CEP83: variants seen among roughly 807,000 people sequenced by gnomAD.
CEP83 encodes the protein centrosomal protein of 83 kDa.
In CEP83, 70 loss-of-function variants were observed where a neutral mutation model predicts 101.9. The observed-to-expected ratio is 0.69, with a 90% CI of 0.57 to 0.84. The LOEUF (loss-of-function observed/expected upper bound fraction) is 0.84. CEP83 is among the 40% of genes least tolerant of loss of function. The pLI is 0.00. For synonymous variants in CEP83, 264 were observed against 267.9 expected (o/e 0.99, Z 0.14); for missense variants, 715 against 787.2 (o/e 0.91, Z 1.10).
intron 1 of CEP83, among the ~76,000 whole-genome samples, chr12:94,450,438 G>T (rs1380550423): frequency 6.6e-6 from 1 of 152,138 alleles, no homozygotes; most frequent in Non-Finnish European, 1.5e-5. Context: ...ATTTTTAGTA[G>T]AGACGGGGTT....
intron 6 of CEP83, among the ~76,000 whole-genome samples, chr12:94,392,654 A>G (rs1191534493): frequency 6.6e-6 from 1 of 152,228 alleles, no homozygotes; most frequent in Non-Finnish European, 1.5e-5. Context: ...CAGAATTGAA[A>G]GAGATAGAGA....
Position 94,312,978 on chromosome 12 carries a change from CT to C in CEP83, c.1746del (p.Glu583ArgfsTer3). The C allele has an allele frequency of 6.3e-7, 1 of 1,585,048 alleles. No homozygotes were observed. The highest frequency in any genetic ancestry group is 1.7e-5 in the Admixed American group (1 of 57,802). ...TTTGCCTCCAAGACTTCTACTTTCT[CT>C]TGTAGTCTTTTCAATTTGTTTTCAT... ...SLHENKLKRL[Q>X]EKVEVLEAKK... is the part of the protein sequence containing the mutation. On this transcript the variant is annotated frameshift_variant, in exon 15 of 17. Transcript: ENST00000397809. LOFTEE classifies it high-confidence loss of function.
chr12:94,414,995 A>C (rs1307827369), intron 2 of CEP83, among the ~76,000 whole-genome samples: 1 of 152,114 alleles, frequency 6.6e-6, no homozygotes, highest in African/African-American at 2.4e-5. Context: ...GGTACAAGAA[A>C]AAAACAAAAT....
At chr12:94,334,330 C>G (rs775012784) in intron 12 of CEP83, among the ~76,000 whole-genome samples, 6 of 152,066 alleles carry the variant, frequency 3.9e-5, no homozygotes, top group Non-Finnish European at 8.8e-5. Flanking sequence ...CCCAATTTAC[C>G]TTTATCTGGG....
chr12:94,346,488 T>C (rs1014733600), intron 11 of CEP83, among the ~76,000 whole-genome samples: 4 of 149,044 alleles, frequency 2.7e-5, no homozygotes, highest in Middle Eastern at 3.2e-3. Context: ...CTGGGAAACA[T>C]AAAGTGTTTC....
chr12:94,369,793 T>C (rs2061209769), intron 9 of CEP83, 129 bp downstream of exon 9: 1 of 592,126 alleles, frequency 1.7e-6, no homozygotes, highest in South Asian at 2.4e-5. Context: ...ATTTCATATG[T>C]ACTCCAAAAT....
intron 14 of CEP83, among the ~76,000 whole-genome samples, chr12:94,323,233 G>A (rs1287856231): frequency 6.6e-6 from 1 of 152,112 alleles, no homozygotes; most frequent in Non-Finnish European, 1.5e-5. Context: ...CTTGGCTGGA[G>A]TTGCAGTTGC....
intron 1 of CEP83, among the ~76,000 whole-genome samples, chr12:94,444,124 C>T (rs1454847653): frequency 2.6e-5 from 4 of 152,134 alleles, no homozygotes; most frequent in African/African-American, 9.7e-5. Flanking sequence ...TCAGGCCGGG[C>T]GTGGTGGCTC....
the CEP83 span, chr12:94,277,673 GAT>G: frequency 3.1e-6 from 1 of 324,156 alleles, no homozygotes; most frequent in Non-Finnish European, 6.0e-6. Flanking sequence ...CTTATTCAGA[GAT>G]ACTGAGCATG....
Position 94,309,921 on chromosome 12 carries a change from C to A in CEP83, c.1998G>T (p.Met666Ile). Reference protein sequence around the residue: ...PSMELPFPPHMQEEQHQRELS... With the variant: ...PSMELPFPPHIQEEQHQRELS... ...CCCCTAAAATAAATGCTCATACCTG[C>A]ATATGAGGAGGAAATGGTAGTTCCA... The change falls in exon 16 of 17, where the codon ATG becomes ATT. Residue 666 changes from methionine to isoleucine, a missense_variant. Met to Ile is a conservative substitution (Grantham distance 10). Transcript: ENST00000397809. 1 of 1,563,940 alleles carries A rather than the reference C, an allele frequency of 6.4e-7. No individual in the cohort carries two copies. Among genetic ancestry groups the A allele is most frequent in the Non-Finnish European group, 8.7e-7 (1 of 1,148,864 alleles).
At chr12:94,323,937 T>A (rs2058857416) in intron 14 of CEP83, among the ~76,000 whole-genome samples, 2 of 152,206 alleles carry the variant, frequency 1.3e-5, no homozygotes, top group African/African-American at 4.8e-5. Context: ...ACACTAGAGA[T>A]CACAATAGTT....
chr12:94,276,067 T>C, the CEP83 span, among the ~76,000 whole-genome samples: 1 of 152,196 alleles, frequency 6.6e-6, no homozygotes, highest in Non-Finnish European at 1.5e-5. Flanking sequence ...GGGTGTTTTT[T>C]CTTTTGGTTA....
intron 11 of CEP83, among the ~76,000 whole-genome samples, chr12:94,357,633 C>T (rs1467724940): frequency 1.3e-5 from 2 of 152,320 alleles, no homozygotes; most frequent in South Asian, 2.1e-4. Context: ...ATTTATGCTG[C>T]ACAAAAGCTG....
chr12:94,383,662 A>C (rs1341715922), intron 6 of CEP83, among the ~76,000 whole-genome samples: 1 of 152,032 alleles, frequency 6.6e-6, no homozygotes, highest in Non-Finnish European at 1.5e-5. Context: ...ACGTTAAGCC[A>C]TTTTGGTCTG....
chr12:94,310,583 G>T (rs889940143), intron 15 of CEP83, among the ~76,000 whole-genome samples: 1 of 152,098 alleles, frequency 6.6e-6, no homozygotes, highest in African/African-American at 2.4e-5. Flanking sequence ...CCCTCATAAT[G>T]GAAAAGTTGG....
chr12:94,378,748 A>G (rs1422934174), intron 7 of CEP83, 43 bp downstream of exon 7: 1 of 1,595,340 alleles, frequency 6.3e-7, no homozygotes. Context: ...CTGCACTTTA[A>G]AAAAGTATGC....
chr12:94,281,193 T>A, the CEP83 span, among the ~76,000 whole-genome samples: 1 of 152,102 alleles, frequency 6.6e-6, no homozygotes, highest in Non-Finnish European at 1.5e-5. Context: ...GCAGAAGAAC[T>A]GCTTGAACCC....
intron 6 of CEP83, among the ~76,000 whole-genome samples, chr12:94,396,283 T>TC (rs1309451266): frequency 4.4e-5 from 6 of 135,900 alleles, no homozygotes; most frequent in Non-Finnish European, 9.6e-5. Flanking sequence ...AGCATGACTT[T>TC]TTTTTTTTTT....
chr12:94,423,457 CTT>C (rs763433431), intron 2 of CEP83, among the ~76,000 whole-genome samples: 28 of 120,462 alleles, frequency 2.3e-4, no homozygotes, highest in Non-Finnish European at 3.1e-4. Context: ...TCTGGTTCAA[CTT>C]TTTTTTTTTT....
Sources: gnomAD v4.1 joint callset for allele counts (sites outside exome capture counted in the v4.1 genomes callset) on GRCh38, gnomAD v4.1.1 for gene constraint, MANE v1.5 for transcripts, NCBI Gene and HGNC (gene_info 2026-07-23, HGNC 2026-07-21) for gene names.